The following ZBTB38 variants were observed in gnomAD, a reference collection of about 807,000 sequenced individuals.
The protein encoded by ZBTB38 is zinc finger and BTB domain-containing protein 38.
A neutral mutation model predicts 76.8 loss-of-function variants in ZBTB38; 20 were observed. That is an observed-to-expected ratio of 0.26 (90% CI 0.18 to 0.38). The LOEUF (loss-of-function observed/expected upper bound fraction) is 0.38, where lower values mean the gene tolerates loss of function less well. Among genes scored for constraint, ZBTB38 ranks in the 10% least tolerant of loss-of-function variants. ZBTB38 has a pLI of 1.00. For synonymous variants in ZBTB38, 504 were observed against 544.2 expected, an observed-to-expected ratio of 0.93 and a Z score of 1.03; for missense variants, 1,082 against 1,482.3, an observed-to-expected ratio of 0.73 and a Z score of 4.43.
intron 1 of ZBTB38, among the ~76,000 whole-genome samples, chr3:141,338,607 C>A (rs1943082294): frequency 6.6e-6 from 1 of 152,110 alleles, no homozygotes; most frequent in Admixed American, 6.5e-5. Context: ...TACACATGGA[C>A]ACAAAGAGGA....
chr3:141,372,486 T>TA (rs796175977), intron 2 of ZBTB38, among the ~76,000 whole-genome samples: 9 of 149,548 alleles, frequency 6.0e-5, no homozygotes, highest in African/African-American at 2.2e-4. Flanking sequence ...CCATCTCTAC[T>TA]AAAAAAAAAT....
chr3:141,326,516 A>G (rs1298822095), intron 1 of ZBTB38, among the ~76,000 whole-genome samples: 1 of 152,170 alleles, frequency 6.6e-6, no homozygotes, highest in Non-Finnish European at 1.5e-5. Flanking sequence ...AATTGTAAAA[A>G]TTTATTGTGC....
At chr3:141,390,328 C>T (rs1461438982) in intron 4 of ZBTB38, among the ~76,000 whole-genome samples, 1 of 152,202 alleles carries the variant, frequency 6.6e-6, no homozygotes, top group African/African-American at 2.4e-5. Context: ...CTGGGCAGGC[C>T]AGAGCAGGTG....
intron 1 of ZBTB38, among the ~76,000 whole-genome samples, chr3:141,327,715 T>C (rs1336800720): frequency 6.6e-6 from 1 of 152,202 alleles, no homozygotes; most frequent in African/African-American, 2.4e-5. Context: ...GGCCTGTTAG[T>C]TGTAAGAAAT....
chr3:141,437,184 CTT>C (rs552856377), intron 5 of ZBTB38, among the ~76,000 whole-genome samples: 112 of 152,216 alleles, frequency 7.4e-4, no homozygotes, highest in African/African-American at 2.4e-3. Flanking sequence ...GATTTGGACT[CTT>C]TGTTTTAAGC....
intron 5 of ZBTB38, among the ~76,000 whole-genome samples, chr3:141,430,897 G>A (rs148552538): frequency 7.2e-5 from 11 of 152,180 alleles, no homozygotes; most frequent in African/African-American, 1.4e-4. Flanking sequence ...AGGAAATGAC[G>A]GTTGGCTTTT....
intron 5 of ZBTB38, among the ~76,000 whole-genome samples, chr3:141,435,022 A>G (rs1175450878): frequency 1.3e-5 from 2 of 152,040 alleles, no homozygotes; most frequent in Non-Finnish European, 2.9e-5. Context: ...TGTCCCAGCT[A>G]CTGTTGAGGG....
At chr3:141,359,224 C>T (rs1943750189) in intron 1 of ZBTB38, among the ~76,000 whole-genome samples, 1 of 152,232 alleles carries the variant, frequency 6.6e-6, no homozygotes, top group African/African-American at 2.4e-5. Flanking sequence ...CCTTCCCCCT[C>T]ATTGTTGGAA....
At chr3:141,405,196 G>A (rs923681687) in intron 5 of ZBTB38, among the ~76,000 whole-genome samples, 7 of 152,282 alleles carry the variant, frequency 4.6e-5, no homozygotes, top group Admixed American at 1.3e-4. Context: ...AATCATATTA[G>A]TCATTTCCAG....
intron 1 of ZBTB38, among the ~76,000 whole-genome samples, chr3:141,336,614 G>T (rs1193184327): frequency 1.3e-5 from 2 of 152,234 alleles, no homozygotes; most frequent in East Asian, 1.9e-4. Flanking sequence ...CTCCCAAAGT[G>T]CTGGGATTAC....
At chr3:141,412,326 T>C (rs1236942478) in intron 5 of ZBTB38, among the ~76,000 whole-genome samples, 2 of 152,186 alleles carry the variant, frequency 1.3e-5, no homozygotes, top group African/African-American at 4.8e-5. Flanking sequence ...CCCTGTTTGT[T>C]GTGTTAAGGT....
intron 3 of ZBTB38, among the ~76,000 whole-genome samples, 178 bp downstream of exon 3, chr3:141,381,665 G>A (rs1946212841): frequency 1.3e-5 from 2 of 152,154 alleles, no homozygotes; most frequent in South Asian, 2.1e-4. Context: ...CCTATTCCCA[G>A]GTAGGGTGGA....
chr3:141,449,212 A>C lies in ZBTB38; in HGVS notation c.*3236A>C, dbSNP rs939250860. Reference sequence around the variant, plus strand: ...TTCCTTCTCAACACTGTAGAGAAAAATCATTTATAGAAACTGAACAGAGTA... The same window carrying C: ...TTCCTTCTCAACACTGTAGAGAAAACTCATTTATAGAAACTGAACAGAGTA... On this transcript the variant is annotated 3_prime_UTR_variant, in exon 6 of 6. Transcript: ENST00000321464. The C allele has an allele frequency of 6.6e-6, 1 of 152,194 alleles. No homozygotes were observed. The highest frequency in any genetic ancestry group is 1.5e-5 in the Non-Finnish European group (1 of 68,038). The allele number at this position is 152,194 out of a possible 1,614,324, so 9.4% of individuals were successfully genotyped here.
chr3:141,421,091 T>A (rs2075256340), intron 5 of ZBTB38, among the ~76,000 whole-genome samples: 1 of 152,082 alleles, frequency 6.6e-6, no homozygotes, highest in Admixed American at 6.5e-5. Context: ...ATGTACTTGC[T>A]GAGTGCTCAT....
At chr3:141,364,393 A>T (rs959393142), upstream of ZBTB38, among the ~76,000 whole-genome samples, 2 of 142,384 alleles carry the variant, frequency 1.4e-5, no homozygotes, top group South Asian at 4.4e-4. Context: ...TTTAAAAAAA[A>T]AATTTTAGTC....
At chr3:141,403,801 A>G (rs754559226) in intron 4 of ZBTB38, 126 bp from the exon 5 acceptor site, 1 of 152,252 alleles carries the variant, frequency 6.6e-6, no homozygotes, top group Non-Finnish European at 1.5e-5. Context: ...GAAACCACAT[A>G]TGTCAACCAC....
At chr3:141,436,131 G>A (rs1295156097) in intron 5 of ZBTB38, among the ~76,000 whole-genome samples, 1 of 152,210 alleles carries the variant, frequency 6.6e-6, no homozygotes, top group African/African-American at 2.4e-5. Context: ...ATGAAGAAAT[G>A]TAGTGGAGGA....
At chr3:141,351,877 T>A (rs771862498) in intron 1 of ZBTB38, among the ~76,000 whole-genome samples, 19 of 152,250 alleles carry the variant, frequency 1.2e-4, no homozygotes, top group Non-Finnish European at 2.4e-4. Context: ...GAGGGGTTTT[T>A]AAATCCCATG....
chr3:141,402,903 T>C (rs1366438819), intron 4 of ZBTB38: 6 of 152,198 alleles, frequency 3.9e-5, no homozygotes, highest in Admixed American at 3.3e-4. Context: ...CCTGACCCTA[T>C]GGGAACTTGA....
Sources: gnomAD v4.1 joint callset for allele counts (sites outside exome capture counted in the v4.1 genomes callset) on GRCh38, gnomAD v4.1.1 for gene constraint, MANE v1.5 for transcripts, NCBI Gene and HGNC (gene_info 2026-07-23, HGNC 2026-07-21) for gene names.